PTPRD: variants seen among roughly 807,000 people sequenced by gnomAD.
PTPRD encodes the protein protein tyrosine phosphatase receptor type D.
In PTPRD, 34 loss-of-function variants were observed where a neutral mutation model predicts 214.5. That is an observed-to-expected ratio of 0.16 (90% confidence interval 0.12 to 0.21). The LOEUF is 0.21. Ranked by LOEUF, PTPRD falls within the 10% of genes least tolerant of loss-of-function variation. The probability of loss-of-function intolerance (pLI) is 1.00; values close to 1 mark genes in which losing one functional copy is unlikely to be tolerated. For synonymous variants in PTPRD, 1,128 were observed against 845.7 expected (o/e 1.33, Z -5.79); for missense variants, 2,545 against 2,398.7 (o/e 1.06, Z -1.27).
intron 12 of PTPRD, among the ~76,000 whole-genome samples, chr9:8,696,283 G>A (rs2097909752): frequency 6.6e-6 from 1 of 152,186 alleles, no homozygotes; most frequent in African/African-American, 2.4e-5. Flanking sequence ...CCCTTATCTT[G>A]CAGATGAAGG....
rs151031461 is a variant in PTPRD, at chr9:10,008,546, C to A, written c.-472+25172G>T. Among the ~76,000 whole-genome samples the A allele has an allele frequency of 2.6e-4, 40 of 151,742 alleles. 1 individual carries two copies. The highest frequency in any genetic ancestry group is 4.7e-4 in the Non-Finnish European group (32 of 67,820). ...TGTTTGCTTAGCATGCATATGTGTG[C>A]CCCATTTCATGCATATTCACAGCTC... On this transcript the variant is annotated intron_variant, in intron 4 of 45. Transcript: ENST00000381196.
chr9:9,026,725 T>C (rs529596428), intron 10 of PTPRD, among the ~76,000 whole-genome samples: 13 of 152,090 alleles, frequency 8.5e-5, no homozygotes, highest in Admixed American at 3.3e-4. Context: ...CAAGATTCAG[T>C]AGCTTTATGT....
At chr9:10,422,999 T>G (rs148130025) in intron 2 of PTPRD, among the ~76,000 whole-genome samples, 3,585 of 152,174 alleles carry the variant, frequency 0.024, 51 homozygotes, top group Non-Finnish European at 0.032. Flanking sequence ...TAAAGACACA[T>G]GCACACATAT....
intron 2 of PTPRD, among the ~76,000 whole-genome samples, chr9:10,543,477 T>TAC (rs370246328): frequency 0.12 from 17,417 of 141,168 alleles, 1,484 homozygotes; most frequent in East Asian, 0.46. Context: ...AATATATATA[T>TAC]ATACACACAC....
At chr9:9,629,467 A>G (rs2095523452) in intron 7 of PTPRD, among the ~76,000 whole-genome samples, 1 of 152,022 alleles carries the variant, frequency 6.6e-6, no homozygotes, top group African/African-American at 2.4e-5. Flanking sequence ...ATTACTGCAT[A>G]TGTAACAGGA....
intron 2 of PTPRD, among the ~76,000 whole-genome samples, chr9:10,574,138 A>G (rs1222269562): frequency 6.6e-6 from 1 of 152,148 alleles, no homozygotes; most frequent in Non-Finnish European, 1.5e-5. Context: ...CATCTATAAC[A>G]AATACAATGA....
intron 2 of PTPRD, among the ~76,000 whole-genome samples, chr9:10,550,087 G>C (rs2060977215): frequency 6.6e-6 from 1 of 152,124 alleles, no homozygotes; most frequent in Admixed American, 6.5e-5. Context: ...TGAAAGAAGA[G>C]AAAAGTGACT....
intron 7 of PTPRD, among the ~76,000 whole-genome samples, chr9:9,628,708 G>A (rs1412034527): frequency 6.6e-6 from 1 of 151,888 alleles, no homozygotes; most frequent in Non-Finnish European, 1.5e-5. Flanking sequence ...AGAGGCAAGT[G>A]CTAATGACTA....
chr9:8,389,367 A>G lies in PTPRD; in HGVS notation c.4251T>C (p.Asp1417=). 3.1e-6 allele frequency: 5 copies of G among 1,611,932 alleles called. No homozygotes were observed. The highest frequency in any genetic ancestry group is 4.2e-6 in the Non-Finnish European group (5 of 1,178,948). ...GSDYVNANYI[D]GYRKQNAYIA... is the part of the protein sequence containing the mutation. ...TATAGGCATTTTGCTTCCTATACCC[A>G]TCTATGTAGTTGGCATTCACATAGT... Residue 1417 remains aspartate (D), a synonymous_variant, in exon 37 of 46, where the codon GAT becomes GAC. Transcript: ENST00000381196.
At chr9:9,536,085 C>T (rs1289008765) in intron 8 of PTPRD, among the ~76,000 whole-genome samples, 2 of 151,976 alleles carry the variant, frequency 1.3e-5, no homozygotes, top group Non-Finnish European at 2.9e-5. Flanking sequence ...GTATCTGTTA[C>T]TGTTACTATT....
intron 9 of PTPRD, among the ~76,000 whole-genome samples, chr9:9,202,832 C>A (rs551193191): frequency 6.6e-6 from 1 of 152,262 alleles, no homozygotes; most frequent in South Asian, 2.1e-4. Flanking sequence ...TTTCTTATTT[C>A]ATTTACTTAA....
At chr9:8,536,420 T>C (rs371980054) in intron 14 of PTPRD, among the ~76,000 whole-genome samples, 4 of 151,966 alleles carry the variant, frequency 2.6e-5, no homozygotes, top group South Asian at 4.2e-4. Context: ...CACACACACA[T>C]ATACACACAC....
intron 14 of PTPRD, among the ~76,000 whole-genome samples, chr9:8,599,149 C>T (rs2094653949): frequency 6.6e-6 from 1 of 152,134 alleles, no homozygotes; most frequent in Non-Finnish European, 1.5e-5. Flanking sequence ...CTCCTGCATA[C>T]ATTCTCTTGC....
chr9:10,342,419 T>C (rs1196371107), intron 2 of PTPRD, among the ~76,000 whole-genome samples: 2 of 152,106 alleles, frequency 1.3e-5, no homozygotes, highest in Non-Finnish European at 2.9e-5. Flanking sequence ...GGATAAAACA[T>C]GTCTTAATTC....
intron 2 of PTPRD, among the ~76,000 whole-genome samples, chr9:10,436,847 G>T (rs992656914): frequency 6.6e-6 from 1 of 151,748 alleles, no homozygotes; most frequent in African/African-American, 2.4e-5. Context: ...AACGCCTGAG[G>T]CTTGGTTCAG....
At chr9:8,795,756 G>A (rs931194813) in intron 11 of PTPRD, among the ~76,000 whole-genome samples, 1 of 152,096 alleles carries the variant, frequency 6.6e-6, no homozygotes. Context: ...GTGGAAACGC[G>A]TAAAATTCTA....
chr9:9,818,539 A>T (rs781272962), intron 5 of PTPRD, among the ~76,000 whole-genome samples: 48 of 152,166 alleles, frequency 3.2e-4, no homozygotes, highest in Non-Finnish European at 6.5e-4. Flanking sequence ...GGACAGAGAG[A>T]GATAGAAAGA....
intron 5 of PTPRD, among the ~76,000 whole-genome samples, chr9:9,859,564 A>G (rs935879426): frequency 1.4e-4 from 21 of 152,116 alleles, no homozygotes; most frequent in Non-Finnish European, 2.2e-4. Context: ...AACTCCCCCC[A>G]CCTTCAAGGA....
chr9:10,242,924 AGAGG>A (rs1340507071), intron 3 of PTPRD, among the ~76,000 whole-genome samples: 7 of 141,468 alleles, frequency 4.9e-5, no homozygotes, highest in African/African-American at 1.3e-4. Flanking sequence ...GGAAGGGAAG[AGAGG>A]GAGGGAGGGA....
Sources: allele counts gnomAD v4.1 joint callset (sites outside exome capture counted in the v4.1 genomes callset), GRCh38; gene constraint gnomAD v4.1.1; transcripts MANE v1.5; gene names NCBI Gene and HGNC (gene_info 2026-07-23, HGNC 2026-07-21).